RYR3: variants seen among roughly 807,000 people sequenced by gnomAD.
RYR3 encodes the protein brain ryanodine receptor-calcium release channel.
Under a neutral mutation model 584.3 loss-of-function variants are expected in RYR3, and 207 were observed. The ratio of observed to expected loss-of-function variants is 0.35; its 90% CI spans 0.32 to 0.40. The LOEUF is 0.40. Ranked by LOEUF, RYR3 falls within the 10% of genes least tolerant of loss-of-function variation. RYR3 has a pLI of 1.00. For missense variants in RYR3, 5,616 were observed against 6,089.2 expected (o/e 0.92, Z 2.59); for synonymous variants, 2,416 against 2,248.5 (o/e 1.07, Z -2.11).
intron 1 of RYR3, among the ~76,000 whole-genome samples, chr15:33,466,024 A>G (rs1242288639): frequency 6.6e-6 from 1 of 152,252 alleles, no homozygotes; most frequent in Non-Finnish European, 1.5e-5. Flanking sequence ...TTTTGGATAT[A>G]GTAAGCTTGA....
chr15:33,653,441 G>A (rs1212385792), intron 32 of RYR3, among the ~76,000 whole-genome samples: 2 of 152,156 alleles, frequency 1.3e-5, no homozygotes, highest in African/African-American at 4.8e-5. Context: ...GGAGGCCGAG[G>A]CGGGGGGATC....
chr15:33,805,184 A>G (rs1214146295), intron 69 of RYR3, among the ~76,000 whole-genome samples: 1 of 152,198 alleles, frequency 6.6e-6, no homozygotes, highest in Non-Finnish European at 1.5e-5. Context: ...CTTCCTCAGA[A>G]GGGAATGGTA....
chr15:33,860,797 C>G (rs1887899184), intron 101 of RYR3, 138 bp downstream of exon 101: 2 of 731,108 alleles, frequency 2.7e-6, no homozygotes, highest in Non-Finnish European at 4.5e-6. Context: ...GCCCTGTTCT[C>G]TGCACCCTGC....
At chr15:33,606,630 C>A (rs951618764) in intron 18 of RYR3, among the ~76,000 whole-genome samples, 1 of 152,182 alleles carries the variant, frequency 6.6e-6, no homozygotes, top group African/African-American at 2.4e-5. Context: ...AGTCCAGGGT[C>A]AACTCAGACA....
intron 38 of RYR3, among the ~76,000 whole-genome samples, chr15:33,688,925 C>T (rs2065210216): frequency 1.3e-5 from 2 of 152,090 alleles, no homozygotes; most frequent in Admixed American, 6.5e-5. Context: ...CACATGCGCA[C>T]ATATGTTTAT....
intron 1 of RYR3, chr15:33,467,442 A>G (rs2048581176): frequency 1.0e-6 from 1 of 982,208 alleles, no homozygotes; most frequent in Non-Finnish European, 1.2e-6. Flanking sequence ...GCTCAGAGCC[A>G]GCAGAGATGG....
chr15:33,570,732 T>C (rs1339418547), intron 12 of RYR3, among the ~76,000 whole-genome samples: 1 of 152,192 alleles, frequency 6.6e-6, no homozygotes, highest in African/African-American at 2.4e-5. Flanking sequence ...CTATTTATTT[T>C]TTAATTATTT....
At chr15:33,709,840 G>T (rs2066973406) in intron 43 of RYR3, among the ~76,000 whole-genome samples, 1 of 152,126 alleles carries the variant, frequency 6.6e-6, no homozygotes, top group African/African-American at 2.4e-5. Flanking sequence ...GGATGGCACT[G>T]GTAAGACATG....
At chr15:33,527,584 C>CT (rs1555512708) in intron 3 of RYR3, among the ~76,000 whole-genome samples, 6 of 108,324 alleles carry the variant, frequency 5.5e-5, no homozygotes, top group African/African-American at 1.8e-4. Flanking sequence ...ACAACTCTGT[C>CT]TCAAAAAAAA....
chr15:33,324,617 G>C (rs1000631466), intron 1 of RYR3, among the ~76,000 whole-genome samples: 1 of 152,158 alleles, frequency 6.6e-6, no homozygotes, highest in Non-Finnish European at 1.5e-5. Flanking sequence ...CAAGCGTTCA[G>C]GGGCCAGAAG....
intron 1 of RYR3, among the ~76,000 whole-genome samples, chr15:33,435,985 T>G (rs1394005769): frequency 7.5e-6 from 1 of 134,152 alleles, no homozygotes; most frequent in Non-Finnish European, 1.8e-5. Context: ...TTTACAGAGT[T>G]CTGATTGGTC....
At chr15:33,814,031 T>C (rs764544088) in intron 74 of RYR3, among the ~76,000 whole-genome samples, 1 of 152,240 alleles carries the variant, frequency 6.6e-6, no homozygotes, top group Non-Finnish European at 1.5e-5. Flanking sequence ...TGAAAATCTT[T>C]TAGCACAGTG....
At chr15:33,537,798 C>G (rs1595497145) in intron 5 of RYR3, among the ~76,000 whole-genome samples, 1 of 152,132 alleles carries the variant, frequency 6.6e-6, no homozygotes, top group Non-Finnish European at 1.5e-5. Flanking sequence ...TAGGTTCTTT[C>G]AATCTGGAAA....
chr15:33,407,291 GGTGACGAAGTAAATACATAAT>G (rs2043092024), intron 1 of RYR3, among the ~76,000 whole-genome samples: 1 of 152,206 alleles, frequency 6.6e-6, no homozygotes, highest in African/African-American at 2.4e-5. Context: ...TATAGTAGAG[GGTGACGAAGTAAATACATAAT>G]GTGACAGAAG....
chr15:33,857,626 G>C (rs538869438), intron 98 of RYR3, among the ~76,000 whole-genome samples, 154 bp from the exon 99 acceptor site: 1 of 152,078 alleles, frequency 6.6e-6, no homozygotes, highest in Admixed American at 6.5e-5. Context: ...TCTGCTCATG[G>C]CCTGATAGCT....
chr15:33,845,684 A>G (rs965124276), intron 93 of RYR3, among the ~76,000 whole-genome samples: 3 of 152,242 alleles, frequency 2.0e-5, no homozygotes, highest in Non-Finnish European at 2.9e-5. Flanking sequence ...ATAGAACTAG[A>G]GTCATCAGGC....
At position 33,390,544 on chromosome 15, in the gene RYR3, T is replaced by C. The variant is rs1191919952; in HGVS notation, c.51+79448T>C. Among the ~76,000 whole-genome samples the C allele has an allele frequency of 6.6e-6, 1 of 151,682 alleles. No homozygotes were observed. The highest frequency in any genetic ancestry group is 1.5e-5 in the Non-Finnish European group (1 of 67,958). ...TTTTCACGACTTCTTCTTCAGGGGG[T>C]GATAGGTGTGGAGAGAAGAGTTAAC... On this transcript the variant is annotated intron_variant, in intron 1 of 103. Transcript: ENST00000634891. The surrounding 1 kb of genome is among the most constrained non-coding windows in gnomAD (Gnocchi z 4.2).
At chr15:33,647,335 G>C in intron 29 of RYR3, 89 bp from the exon 30 acceptor site, 5 of 1,021,798 alleles carry the variant, frequency 4.9e-6, no homozygotes, top group Non-Finnish European at 7.6e-6. Flanking sequence ...AACTTGACTT[G>C]ATCATTGAAG....
At chr15:33,747,997 A>G in intron 53 of RYR3, 117 bp from the exon 54 acceptor site, 2 of 840,658 alleles carry the variant, frequency 2.4e-6, no homozygotes, top group Non-Finnish European at 3.9e-6. Context: ...TTGTGAGAGA[A>G]GGCTGGTGCT....
Sources: allele counts gnomAD v4.1 joint callset (sites outside exome capture counted in the v4.1 genomes callset), GRCh38; gene constraint gnomAD v4.1.1; non-coding constraint Gnocchi (gnomAD v3.1); transcripts MANE v1.5; gene names NCBI Gene and HGNC (gene_info 2026-07-23, HGNC 2026-07-21).